CRMP1: variants seen among roughly 807,000 people sequenced by gnomAD.
CRMP1 encodes dihydropyrimidinase-related protein 1.
A neutral mutation model predicts 68.3 loss-of-function variants in CRMP1; 19 were observed. That is an observed-to-expected ratio of 0.28 (90% confidence interval 0.19 to 0.41). CRMP1 has a LOEUF of 0.41. Ranked by LOEUF, CRMP1 falls within the 10% of genes least tolerant of loss-of-function variation. CRMP1 has a pLI of 1.00. For synonymous variants in CRMP1, 439 were observed against 399.6 expected, an observed-to-expected ratio of 1.10 and a Z score of -1.18; for missense variants, 791 against 967.4, an observed-to-expected ratio of 0.82 and a Z score of 2.42.
At chr4:5,840,280 C>T (rs570868898) in intron 8 of CRMP1, among the ~76,000 whole-genome samples, 7 of 152,338 alleles carry the variant, frequency 4.6e-5, no homozygotes, top group Non-Finnish European at 1.0e-4. Context: ...GGCGGCTTCC[C>T]GAGCACTAAC....
chr4:5,860,902 G>C lies in CRMP1; in HGVS notation c.655+124C>G. On this transcript the variant is annotated intron_variant, in intron 3 of 13. Coordinates refer to ENST00000324989, the MANE Select transcript of CRMP1 (RefSeq NM_001014809.3). The surrounding 1 kb of genome is among the most constrained non-coding windows in gnomAD (Gnocchi z 4.2). Reference sequence around the variant, plus strand: ...CAGTGACCTGTGTCATAGGGCTGGGGGGAGAATGAAATCCAATGGCACCCT... The same window carrying C: ...CAGTGACCTGTGTCATAGGGCTGGGCGGAGAATGAAATCCAATGGCACCCT... 2 of 945,108 alleles carry C rather than the reference G, an allele frequency of 2.1e-6. No homozygotes were observed. Among genetic ancestry groups the C allele is most frequent in the Non-Finnish European group, 3.1e-6 (2 of 640,870 alleles). 58.5% of individuals were successfully genotyped at this position (945,108 alleles called of 1,614,324 possible).
At chr4:5,823,803 T>G (rs1339715534) in intron 13 of CRMP1, among the ~76,000 whole-genome samples, 1 of 152,186 alleles carries the variant, frequency 6.6e-6, no homozygotes, top group African/African-American at 2.4e-5. Flanking sequence ...GTAAACCTCT[T>G]TAATTACCCA....
At chr4:5,836,173 G>A in intron 10 of CRMP1, 88 bp from the exon 11 acceptor site, 2 of 1,224,390 alleles carry the variant, frequency 1.6e-6, no homozygotes, top group Non-Finnish European at 2.1e-6. Flanking sequence ...ACTGCCAGCT[G>A]AGGCCTTGCA....
rs747443312 is a variant in CRMP1 at position 5,825,522 on chromosome 4, G to A, written c.1941C>T (p.Asn647=). The A allele has an allele frequency of 5.1e-6, 8 of 1,578,740 alleles. No homozygotes were observed. In the South Asian group the frequency reaches 7.0e-5, roughly 14 times the overall value. Reference sequence around the variant, plus strand: ...ATAAGCTGAAGTTGGACTGGTGGAGGTTTCTGATGGGTGGGGGCTGGTGTT... The same window carrying A: ...ATAAGCTGAAGTTGGACTGGTGGAGATTTCTGATGGGTGGGGGCTGGTGTT... ...PSKHQPPPIR[N]LHQSNFSLSG... Residue 647 remains asparagine (N), a synonymous_variant, in exon 13 of 14, where the codon AAC becomes AAT. Coordinates refer to ENST00000324989, the MANE Select transcript of CRMP1 (RefSeq NM_001014809.3). The surrounding 1 kb of genome is among the most constrained non-coding windows in gnomAD (Gnocchi z 4.4).
chr4:5,825,637 G>C lies in CRMP1; in HGVS notation c.1826C>G (p.Ser609Cys). ...CACAGGACCGTCATACATGCCCCTG[G>C]AAACCCCTTGCAATCCAAAAACCTA... is the stretch of plus-strand genomic sequence containing the variant. ...RNKVFGLQGV[S>C]RGMYDGPVYE... Residue 609 changes from serine to cysteine, a missense_variant, in exon 13 of 14, where the codon TCC becomes TGC. By Grantham distance (112) the Ser-to-Cys change is moderately radical (BLOSUM62 -1). Transcript: ENST00000324989. This position sits in a 1 kb window ranked among gnomAD's most constrained non-coding sequence, Gnocchi z 4.4. 6.2e-7 allele frequency: 1 copy of C among 1,611,502 alleles called. No homozygotes were observed. The highest frequency in any genetic ancestry group is 1.1e-5 in the South Asian group (1 of 90,548).
intron 8 of CRMP1, 107 bp from the exon 9 acceptor site, chr4:5,839,785 G>A: frequency 7.7e-7 from 1 of 1,295,788 alleles, no homozygotes; most frequent in Non-Finnish European, 1.0e-6. Flanking sequence ...GCTGGCTGAA[G>A]GCCAGAACAC....
chr4:5,874,652 G>A (rs997000180), intron 1 of CRMP1, among the ~76,000 whole-genome samples: 1 of 151,934 alleles, frequency 6.6e-6, no homozygotes, highest in Non-Finnish European at 1.5e-5. Flanking sequence ...AGGAGAGACA[G>A]AGAAAGAAGA....
intron 1 of CRMP1, among the ~76,000 whole-genome samples, chr4:5,869,324 T>C (rs1027094041): frequency 3.3e-5 from 5 of 152,158 alleles, no homozygotes; most frequent in African/African-American, 1.2e-4. Flanking sequence ...CTCTCCAGGC[T>C]GGAGATGTGG....
chr4:5,849,491 G>C lies in CRMP1; in HGVS notation c.883-19C>G. 6.4e-7 allele frequency: 1 copy of C among 1,566,490 alleles called. No individual in the cohort carries two copies. The highest frequency in any genetic ancestry group is 1.2e-5 in the South Asian group (1 of 86,658). ...CATAGAGCTATGGAGAGATAAACAG[G>C]GGTTGGTGTGAGATTTAAAAAAAAA... is the stretch of plus-strand genomic sequence containing the variant. On this transcript the variant is annotated intron_variant, in intron 5 of 13. Transcript: ENST00000324989.
At chr4:5,840,116 A>G (rs991315178) in intron 8 of CRMP1, among the ~76,000 whole-genome samples, 3 of 152,160 alleles carry the variant, frequency 2.0e-5, no homozygotes, top group Admixed American at 6.5e-5. Flanking sequence ...TGAGGAAGTG[A>G]CATAAGGCAG....
Position 5,854,541 on chromosome 4 carries a change from A to C in CRMP1, c.820+1602T>G, listed in dbSNP as rs191565322. 2.6e-5 allele frequency among the ~76,000 whole-genome samples: 4 copies of C among 152,088 alleles called. No homozygotes were observed. The highest frequency in any genetic ancestry group is 4.4e-5 in the Non-Finnish European group (3 of 68,000). On this transcript the variant is annotated intron_variant, in intron 4 of 13. Transcript: ENST00000324989. This position sits in a 1 kb window ranked among gnomAD's most constrained non-coding sequence, Gnocchi z 4.0. Reference sequence around the variant, plus strand: ...ATTACAGGCATGAGCCACCATGGCCAATAATGCCTTCTTGATAGAAAGAGC... The same window carrying C: ...ATTACAGGCATGAGCCACCATGGCCCATAATGCCTTCTTGATAGAAAGAGC...
At position 5,889,306 on chromosome 4, in the gene CRMP1, C is replaced by A. The variant is rs3755853; in HGVS notation, c.381+3283G>T. 6.6e-6 allele frequency among the ~76,000 whole-genome samples: 1 copy of A among 152,324 alleles called. No homozygotes were observed. The highest frequency in any genetic ancestry group is 6.5e-5 in the Admixed American group (1 of 15,308). On this transcript the variant is annotated intron_variant, in intron 1 of 13. Transcript: ENST00000324989. The surrounding 1 kb of genome is among the most constrained non-coding windows in gnomAD (Gnocchi z 4.5). ...ACACTGGGGCCACCAGGTCACCCCACAGAATTGCCTCCAAGACAGCAGGTG... is the reference window on the plus strand; with the variant it reads ...ACACTGGGGCCACCAGGTCACCCCAAAGAATTGCCTCCAAGACAGCAGGTG...
chr4:5,828,779 T>C (rs1316212255), intron 11 of CRMP1, 111 bp from the exon 12 acceptor site: 75 of 1,305,996 alleles, frequency 5.7e-5, no homozygotes, highest in Non-Finnish European at 7.6e-5. Flanking sequence ...CAATGTTTTT[T>C]TTTCTCTCTA....
At chr4:5,864,047 G>A (rs1392168902) in intron 2 of CRMP1, among the ~76,000 whole-genome samples, 1 of 152,126 alleles carries the variant, frequency 6.6e-6, no homozygotes, top group Non-Finnish European at 1.5e-5. Flanking sequence ...ATGAATTTAG[G>A]GAAACTGCAT....
chr4:5,831,882 G>A (rs1485345971), intron 11 of CRMP1, among the ~76,000 whole-genome samples: 2 of 152,168 alleles, frequency 1.3e-5, no homozygotes, highest in Non-Finnish European at 2.9e-5. Flanking sequence ...CCATTTCCCT[G>A]GTCCCCTCCA....
chr4:5,825,354 A>G lies in CRMP1; in HGVS notation c.1969+140T>C. ...CCCACTCTGCCCCACCAGTGAGAGC[A>G]GGCTCGGGTGGGGCACACTCCCTTC... is the stretch of plus-strand genomic sequence containing the variant. On this transcript the variant is annotated intron_variant, in intron 13 of 13. Coordinates refer to ENST00000324989, the MANE Select transcript of CRMP1 (RefSeq NM_001014809.3). The surrounding 1 kb of genome is among the most constrained non-coding windows in gnomAD (Gnocchi z 4.4). 7.0e-7 allele frequency: 1 copy of G among 1,424,100 alleles called. No individual in the cohort carries two copies. 88.2% of individuals were successfully genotyped at this position (1,424,100 alleles called of 1,614,324 possible).
In CRMP1 at chr4:5,860,762, T is replaced by C. The variant is rs149700069; in HGVS notation, c.655+264A>G. 5.2e-3 allele frequency among the ~76,000 whole-genome samples: 796 copies of C among 152,356 alleles called. 7 individuals are homozygous for C. The highest frequency in any genetic ancestry group is 0.018 in the African/African-American group (767 of 41,572). ...GCTAAGCGATTATATCAATGAGATGTTGTTTTATTTCAATATTTTAAAAAT... is the reference window on the plus strand; with the variant it reads ...GCTAAGCGATTATATCAATGAGATGCTGTTTTATTTCAATATTTTAAAAAT... On this transcript the variant is annotated intron_variant, in intron 3 of 13. Coordinates refer to ENST00000324989, the MANE Select transcript of CRMP1 (RefSeq NM_001014809.3). This position sits in a 1 kb window ranked among gnomAD's most constrained non-coding sequence, Gnocchi z 4.2.
At chr4:5,852,167 AG>A (rs1444806152) in intron 4 of CRMP1, among the ~76,000 whole-genome samples, 1 of 152,226 alleles carries the variant, frequency 6.6e-6, no homozygotes, top group African/African-American at 2.4e-5. Context: ...ATTTCTTTAA[AG>A]AATTGTGTTT....
Position 5,841,023 on chromosome 4 carries a change from G to C in CRMP1, c.1153+285C>G, listed in dbSNP as rs1188356019. 6.6e-6 allele frequency among the ~76,000 whole-genome samples: 1 copy of C among 152,120 alleles called. No homozygotes were observed. Among genetic ancestry groups the C allele is most frequent in the Admixed American group, 6.5e-5 (1 of 15,274 alleles). Reference sequence around the variant, plus strand: ...AGAAAACATCATGCAAAATATTAATGATTTTTACATTGATGACATGCTGAA... The same window carrying C: ...AGAAAACATCATGCAAAATATTAATCATTTTTACATTGATGACATGCTGAA... On this transcript the variant is annotated intron_variant, in intron 8 of 13. Coordinates refer to ENST00000324989, the MANE Select transcript of CRMP1 (RefSeq NM_001014809.3). The surrounding 1 kb of genome is among the most constrained non-coding windows in gnomAD (Gnocchi z 6.9).
Sources: gnomAD v4.1 joint callset for allele counts (sites outside exome capture counted in the v4.1 genomes callset) on GRCh38, gnomAD v4.1.1 for gene constraint, Gnocchi (gnomAD v3.1) non-coding constraint, MANE v1.5 for transcripts, NCBI Gene and HGNC (gene_info 2026-07-23, HGNC 2026-07-21) for gene names.